Variants in PIAS1 observed in about 807,000 individuals in gnomAD.
PIAS1 encodes the protein protein inhibitor of activated STAT 1.
A neutral mutation model predicts 71.3 loss-of-function variants in PIAS1; 6 were observed. The ratio of observed to expected loss-of-function variants is 0.08; its 90% CI spans 0.05 to 0.17. The LOEUF (loss-of-function observed/expected upper bound fraction) is 0.17, where lower values mean the gene tolerates loss of function less well. Ranked by LOEUF, PIAS1 falls within the 10% of genes least tolerant of loss-of-function variation. PIAS1 has a pLI of 1.00. For synonymous variants in PIAS1, 303 were observed against 292.9 expected, an observed-to-expected ratio of 1.03 and a Z score of -0.35; for missense variants, 555 against 793.6, an observed-to-expected ratio of 0.70 and a Z score of 3.61.
Position 68,189,178 on chromosome 15 carries a change from A to G in PIAS1, c.*1343A>G, listed in dbSNP as rs1281681988. 6.6e-6 allele frequency: 1 copy of G among 152,216 alleles called. No individual in the cohort carries two copies. The highest frequency in any genetic ancestry group is 2.4e-5 in the African/African-American group (1 of 41,458). The allele number at this position is 152,216 out of a possible 1,614,324, so 9.4% of individuals were successfully genotyped here. On this transcript the variant is annotated 3_prime_UTR_variant, in exon 14 of 14. Transcript: ENST00000249636. ...TACTCTTATTCATAATGGAACATGTAAATATACTGAAAACTGTTTTTCAGG... is the reference window on the plus strand; with the variant it reads ...TACTCTTATTCATAATGGAACATGTGAATATACTGAAAACTGTTTTTCAGG...
In PIAS1 at chr15:68,132,839, G is replaced by A. The variant is rs117087891; in HGVS notation, c.470-9107G>A. On this transcript the variant is annotated intron_variant, in intron 2 of 13. Transcript: ENST00000249636. ...AGTTAGAAATACTCATTTTTGCTCAGTTTTATCTTTTGAATTTGATTTAAA... is the reference window on the plus strand; with the variant it reads ...AGTTAGAAATACTCATTTTTGCTCAATTTTATCTTTTGAATTTGATTTAAA... Among the ~76,000 whole-genome samples, 976 of 152,114 alleles carry A rather than the reference G, an allele frequency of 6.4e-3. 7 individuals carry two copies. Among genetic ancestry groups the A allele is most frequent in the East Asian group, 0.036 (185 of 5,174 alleles).
At chr15:68,129,984 G>T (rs1164431774) in intron 2 of PIAS1, among the ~76,000 whole-genome samples, 1 of 151,656 alleles carries the variant, frequency 6.6e-6, no homozygotes, top group East Asian at 1.9e-4. Context: ...TTTAATTTTT[G>T]TTTTTTACAG....
At chr15:68,076,035 C>T (rs955964075) in intron 1 of PIAS1, among the ~76,000 whole-genome samples, 19 of 152,130 alleles carry the variant, frequency 1.2e-4, no homozygotes, top group African/African-American at 2.2e-4. Context: ...TGCCCGCTGC[C>T]GCCTCCCCAA....
At chr15:68,118,195 C>A (rs566701109) in intron 2 of PIAS1, among the ~76,000 whole-genome samples, 1 of 151,986 alleles carries the variant, frequency 6.6e-6, no homozygotes, top group Non-Finnish European at 1.5e-5. Flanking sequence ...GTGGTGTGCA[C>A]CTGTAGTCCC....
At chr15:68,068,046 G>C (rs1281095183) in intron 1 of PIAS1, among the ~76,000 whole-genome samples, 1 of 152,102 alleles carries the variant, frequency 6.6e-6, no homozygotes, top group Non-Finnish European at 1.5e-5. Context: ...GGATTCCGTA[G>C]GAGAAGGTGG....
intron 1 of PIAS1, among the ~76,000 whole-genome samples, chr15:68,081,517 G>A (rs1420161298): frequency 1.3e-5 from 2 of 151,800 alleles, no homozygotes; most frequent in Admixed American, 1.3e-4. Flanking sequence ...ACCAGTGTAG[G>A]GAGAAGAAGA....
At chr15:68,063,611 T>C (rs1430375254) in intron 1 of PIAS1, among the ~76,000 whole-genome samples, 1 of 152,226 alleles carries the variant, frequency 6.6e-6, no homozygotes, top group Non-Finnish European at 1.5e-5. Flanking sequence ...TGTATATTTA[T>C]TTAAATATTT....
chr15:68,071,287 GAC>G (rs2092093892), intron 1 of PIAS1, among the ~76,000 whole-genome samples: 17 of 59,068 alleles, frequency 2.9e-4, no homozygotes, highest in Non-Finnish European at 4.1e-4. Context: ...TTTTTTTTTT[GAC>G]AGAGTCTCAC....
chr15:68,145,025 A>T (rs780926894), intron 4 of PIAS1, among the ~76,000 whole-genome samples: 1 of 152,078 alleles, frequency 6.6e-6, no homozygotes, highest in Non-Finnish European at 1.5e-5. Flanking sequence ...TAACAGTGCA[A>T]TGAGCCTTAG....
intron 1 of PIAS1, among the ~76,000 whole-genome samples, chr15:68,072,292 C>T (rs576953189): frequency 3.4e-5 from 5 of 146,242 alleles, no homozygotes; most frequent in Admixed American, 7.0e-5. Flanking sequence ...CCCAGCTACT[C>T]GGGAGTCTGA....
chr15:68,084,909 A>G (rs983816715), intron 1 of PIAS1, among the ~76,000 whole-genome samples: 1 of 152,234 alleles, frequency 6.6e-6, no homozygotes, highest in Non-Finnish European at 1.5e-5. Flanking sequence ...GCTAATGGCC[A>G]AAGGCTAACA....
chr15:68,163,812 G>T (rs1310910173), intron 7 of PIAS1, among the ~76,000 whole-genome samples: 1 of 152,030 alleles, frequency 6.6e-6, no homozygotes, highest in Non-Finnish European at 1.5e-5. Context: ...CCAACTTACG[G>T]CCCCTTTGTA....
chr15:68,100,391 C>A (rs1377214310), intron 2 of PIAS1, among the ~76,000 whole-genome samples: 1 of 152,174 alleles, frequency 6.6e-6, no homozygotes, highest in Admixed American at 6.5e-5. Context: ...CCACAAGACT[C>A]CCTCTTGCTA....
intron 1 of PIAS1, among the ~76,000 whole-genome samples, chr15:68,069,918 A>G (rs2092075692): frequency 6.6e-6 from 1 of 152,162 alleles, no homozygotes; most frequent in Non-Finnish European, 1.5e-5. Context: ...CAGATGTTTT[A>G]ATAATTAGGA....
intron 2 of PIAS1, among the ~76,000 whole-genome samples, chr15:68,129,798 CACACA>C (rs2092676799): frequency 5.4e-5 from 1 of 18,624 alleles, no homozygotes; most frequent in African/African-American, 1.2e-4. Flanking sequence ...TGTATTTACA[CACACA>C]CACACACACA....
intron 2 of PIAS1, among the ~76,000 whole-genome samples, chr15:68,132,336 G>A (rs909673943): frequency 1.3e-5 from 2 of 152,048 alleles, no homozygotes; most frequent in South Asian, 2.1e-4. Context: ...AAATCAGGGC[G>A]TGGTGGCCCT....
At chr15:68,154,995 A>G (rs566039554) in intron 7 of PIAS1, among the ~76,000 whole-genome samples, 16 of 152,366 alleles carry the variant, frequency 1.1e-4, no homozygotes, top group African/African-American at 3.8e-4. Flanking sequence ...TCAGCCAGTC[A>G]GAAAGCAAAG....
At chr15:68,157,680 G>T (rs995293943) in intron 7 of PIAS1, among the ~76,000 whole-genome samples, 3 of 152,062 alleles carry the variant, frequency 2.0e-5, no homozygotes, top group Non-Finnish European at 4.4e-5. Context: ...TCTCTTAAGG[G>T]AAGCATTCTA....
chr15:68,070,693 TATCTC>T (rs67181430), intron 1 of PIAS1, among the ~76,000 whole-genome samples: 10,862 of 152,236 alleles, frequency 0.071, 437 homozygotes, highest in Admixed American at 0.13. Context: ...GAATGGAAAA[TATCTC>T]ATTAATGATT....
Sources: gnomAD v4.1 joint callset for allele counts (sites outside exome capture counted in the v4.1 genomes callset) on GRCh38, gnomAD v4.1.1 for gene constraint, MANE v1.5 for transcripts, NCBI Gene and HGNC (gene_info 2026-07-23, HGNC 2026-07-21) for gene names.